The following BRINP3 variants were observed in gnomAD, a reference collection of about 807,000 sequenced individuals.
The protein encoded by BRINP3 is BMP/retinoic acid inducible neural specific 3, also known as BMP/retinoic acid-inducible neural-specific protein 3.
A neutral mutation model predicts 71.0 loss-of-function variants in BRINP3; 19 were observed. The ratio of observed to expected loss-of-function variants is 0.27; its 90% CI spans 0.19 to 0.39. The LOEUF is 0.39. Ranked by LOEUF, BRINP3 falls within the 10% of genes least tolerant of loss-of-function variation. The pLI is 1.00. For synonymous variants in BRINP3, 380 were observed against 337.7 expected (o/e 1.13, Z -1.37); for missense variants, 959 against 940.8 (o/e 1.02, Z -0.25).
intron 7 of BRINP3, among the ~76,000 whole-genome samples, chr1:190,106,108 T>C (rs913786736): frequency 2.0e-5 from 3 of 151,908 alleles, no homozygotes; most frequent in Non-Finnish European, 2.9e-5. Flanking sequence ...TATGGATACA[T>C]GCAACTATTC....
intron 7 of BRINP3, among the ~76,000 whole-genome samples, chr1:190,140,315 C>G (rs1337681415): frequency 2.6e-5 from 4 of 151,982 alleles, no homozygotes; most frequent in African/African-American, 9.7e-5. Context: ...TATTATTAGT[C>G]TAAATATAAA....
At chr1:190,223,136 T>C (rs186718952) in intron 6 of BRINP3, among the ~76,000 whole-genome samples, 141 of 151,926 alleles carry the variant, frequency 9.3e-4, no homozygotes, top group Admixed American at 2.6e-3. Flanking sequence ...CTCCAAAAAT[T>C]TGGAAGGAAG....
chr1:190,440,089 C>T (rs367693794), intron 2 of BRINP3, among the ~76,000 whole-genome samples: 58 of 151,396 alleles, frequency 3.8e-4, no homozygotes, highest in Middle Eastern at 3.4e-3. Flanking sequence ...GTATAAAGTT[C>T]GATTATAGGA....
intron 2 of BRINP3, among the ~76,000 whole-genome samples, chr1:190,391,702 T>C (rs1671260559): frequency 6.6e-6 from 1 of 151,654 alleles, no homozygotes; most frequent in African/African-American, 2.4e-5. Flanking sequence ...CCTGTGGTGA[T>C]CTAAATGTAG....
intron 3 of BRINP3, 104 bp from the exon 4 acceptor site, chr1:190,265,159 G>A (rs1390552512): frequency 6.7e-6 from 7 of 1,045,434 alleles, no homozygotes; most frequent in Non-Finnish European, 9.5e-6. Flanking sequence ...GTAAAACAAA[G>A]GAGTGATATA....
chr1:190,476,992 T>C (rs1462026471), intron 1 of BRINP3, among the ~76,000 whole-genome samples: 1 of 152,196 alleles, frequency 6.6e-6, no homozygotes, highest in Admixed American at 6.5e-5. Flanking sequence ...TAATTGCTTA[T>C]CATGAACAAA....
intron 7 of BRINP3, among the ~76,000 whole-genome samples, chr1:190,147,997 G>A (rs1412741233): frequency 1.3e-5 from 2 of 152,080 alleles, no homozygotes; most frequent in African/African-American, 2.4e-5. Context: ...CTCTTCCTTT[G>A]TGCCCATACA....
intron 1 of BRINP3, among the ~76,000 whole-genome samples, chr1:190,474,105 A>C (rs1467627395): frequency 6.6e-6 from 1 of 152,174 alleles, no homozygotes; most frequent in Non-Finnish European, 1.5e-5. Flanking sequence ...ATGTTTTATT[A>C]AGATTATACA....
At chr1:190,330,096 T>C (rs1284644524) in intron 2 of BRINP3, among the ~76,000 whole-genome samples, 1 of 151,868 alleles carries the variant, frequency 6.6e-6, no homozygotes, top group South Asian at 2.1e-4. Context: ...ATGACTATGT[T>C]CACAAAAGCA....
intron 2 of BRINP3, among the ~76,000 whole-genome samples, chr1:190,433,656 T>C (rs1027710569): frequency 6.6e-6 from 1 of 152,148 alleles, no homozygotes; most frequent in Non-Finnish European, 1.5e-5. Context: ...CTAGCAGCAA[T>C]GGTCACAATC....
chr1:190,240,392 C>T (rs11811566), intron 4 of BRINP3, among the ~76,000 whole-genome samples: 1 of 151,550 alleles, frequency 6.6e-6, no homozygotes, highest in Non-Finnish European at 1.5e-5. Flanking sequence ...AACACAAATC[C>T]TAGTGAATAT....
intron 6 of BRINP3, among the ~76,000 whole-genome samples, chr1:190,166,472 C>T (rs1651548829): frequency 6.6e-6 from 1 of 152,148 alleles, no homozygotes; most frequent in Non-Finnish European, 1.5e-5. Flanking sequence ...CTCTTAGAAG[C>T]TGGAAAACCC....
At chr1:190,409,552 T>A (rs1002025956) in intron 2 of BRINP3, among the ~76,000 whole-genome samples, 2 of 152,212 alleles carry the variant, frequency 1.3e-5, no homozygotes, top group African/African-American at 4.8e-5. Context: ...ATACTGGCAT[T>A]CTGTTTTACA....
intron 2 of BRINP3, among the ~76,000 whole-genome samples, chr1:190,325,503 T>C (rs559923976): frequency 3.9e-5 from 6 of 152,178 alleles, no homozygotes; most frequent in South Asian, 2.1e-4. Flanking sequence ...GAAGTAGATA[T>C]TGAAATTACA....
intron 2 of BRINP3, chr1:190,302,833 C>T (rs1428939045): frequency 6.6e-6 from 1 of 151,676 alleles, no homozygotes; most frequent in Admixed American, 6.6e-5. Context: ...AATATTTTCA[C>T]AGAATATAGA....
At chr1:190,313,331 A>G (rs1049856129) in intron 2 of BRINP3, among the ~76,000 whole-genome samples, 1 of 151,988 alleles carries the variant, frequency 6.6e-6, no homozygotes, top group African/African-American at 2.4e-5. Flanking sequence ...CATGTAAGTT[A>G]AAGAAATAGA....
At chr1:190,427,528 CT>C (rs1178342156) in intron 2 of BRINP3, among the ~76,000 whole-genome samples, 4 of 151,844 alleles carry the variant, frequency 2.6e-5, no homozygotes, top group African/African-American at 9.7e-5. Context: ...GGGAAATCTC[CT>C]TTTTAAATGA....
At chr1:190,271,778 A>C (rs575667088) in intron 3 of BRINP3, among the ~76,000 whole-genome samples, 1 of 151,644 alleles carries the variant, frequency 6.6e-6, no homozygotes, top group Non-Finnish European at 1.5e-5. Context: ...GTGCATCATT[A>C]ATTTCTTCTT....
chr1:190,255,744 T>C (rs1311101389), intron 4 of BRINP3, among the ~76,000 whole-genome samples: 2 of 129,232 alleles, frequency 1.5e-5, no homozygotes, highest in Non-Finnish European at 3.6e-5. Flanking sequence ...CCTGGATTGA[T>C]TGATTTTTTG....
Sources: allele counts gnomAD v4.1 joint callset (sites outside exome capture counted in the v4.1 genomes callset), GRCh38; gene constraint gnomAD v4.1.1; transcripts MANE v1.5; gene names NCBI Gene and HGNC (gene_info 2026-07-23, HGNC 2026-07-21).